ZDHHC14: variants seen among roughly 807,000 people sequenced by gnomAD.
ZDHHC14 encodes palmitoyltransferase ZDHHC14.
ZDHHC14 carries 16 observed loss-of-function variants against 47.7 expected under a neutral mutation model. That is an observed-to-expected ratio of 0.34 (90% confidence interval 0.23 to 0.51). ZDHHC14 has a LOEUF of 0.51. Among genes scored for constraint, ZDHHC14 ranks in the 20% least tolerant of loss-of-function variants. The pLI, the probability that ZDHHC14 is intolerant of heterozygous loss-of-function variation, is 0.97. For synonymous variants in ZDHHC14, 293 were observed against 278.9 expected (o/e 1.05, Z -0.50); for missense variants, 515 against 662.5 (o/e 0.78, Z 2.44).
At chr6:157,614,554 G>A (rs932502084) in intron 3 of ZDHHC14, among the ~76,000 whole-genome samples, 46 of 152,270 alleles carry the variant, frequency 3.0e-4, no homozygotes, top group African/African-American at 1.1e-3. Flanking sequence ...CTTCCTCACT[G>A]TGTGATGTTC....
At chr6:157,612,046 A>G (rs1583018593) in intron 3 of ZDHHC14, among the ~76,000 whole-genome samples, 1 of 151,004 alleles carries the variant, frequency 6.6e-6, no homozygotes, top group African/African-American at 2.4e-5. Context: ...GTGACCCCCC[A>G]CCTTGCTGAG....
chr6:157,558,198 A>G (rs983136764), intron 2 of ZDHHC14, among the ~76,000 whole-genome samples: 1 of 152,206 alleles, frequency 6.6e-6, no homozygotes, highest in Admixed American at 6.5e-5. Flanking sequence ...CCCCCTGCAG[A>G]CAGTGGCCAG....
At chr6:157,403,266 A>G (rs890501317) in intron 1 of ZDHHC14, among the ~76,000 whole-genome samples, 5 of 152,306 alleles carry the variant, frequency 3.3e-5, no homozygotes, top group Non-Finnish European at 7.4e-5. Context: ...AGCAAATACT[A>G]TTGTCATGCT....
chr6:157,663,315 C>G (rs1287365321), intron 8 of ZDHHC14, among the ~76,000 whole-genome samples: 1 of 152,230 alleles, frequency 6.6e-6, no homozygotes, highest in Non-Finnish European at 1.5e-5. Flanking sequence ...AGACTCTACT[C>G]AATCCAAGAG....
At chr6:157,420,829 C>A (rs1778085539) in intron 1 of ZDHHC14, among the ~76,000 whole-genome samples, 1 of 152,154 alleles carries the variant, frequency 6.6e-6, no homozygotes, top group South Asian at 2.1e-4. Flanking sequence ...CTGCAGTGGC[C>A]TTGTTGGTTG....
At chr6:157,562,773 T>G (rs1333458590) in intron 2 of ZDHHC14, among the ~76,000 whole-genome samples, 1 of 152,064 alleles carries the variant, frequency 6.6e-6, no homozygotes, top group Non-Finnish European at 1.5e-5. Flanking sequence ...AGGGAGCGTT[T>G]TATGTGTGTG....
chr6:157,616,982 G>T (rs751590727), intron 3 of ZDHHC14, among the ~76,000 whole-genome samples: 4 of 152,046 alleles, frequency 2.6e-5, no homozygotes, highest in Non-Finnish European at 4.4e-5. Flanking sequence ...ATGCCCTAGG[G>T]GTCTTCTGAC....
intron 1 of ZDHHC14, among the ~76,000 whole-genome samples, chr6:157,390,453 A>C (rs1304460884): frequency 2.0e-5 from 3 of 151,842 alleles, no homozygotes; most frequent in Admixed American, 6.6e-5. Flanking sequence ...CAGTTTTGGA[A>C]ATTTTTTCAT....
In ZDHHC14 at chr6:157,606,125, C is replaced by T. The variant is rs538531136; in HGVS notation, c.565+12979C>T. Reference sequence around the variant, plus strand: ...TTCAGGATAACACAGGTCTCTATGCCTCAGACCGGGCATTTTCCCCTTCAC... The same window carrying T: ...TTCAGGATAACACAGGTCTCTATGCTTCAGACCGGGCATTTTCCCCTTCAC... On this transcript the variant is annotated intron_variant, in intron 3 of 8. Transcript: ENST00000359775. 1.4e-3 allele frequency among the ~76,000 whole-genome samples: 212 copies of T among 152,268 alleles called. 1 individual carries two copies. The highest frequency in any genetic ancestry group is 1.9e-3 in the Non-Finnish European group (130 of 68,028).
At chr6:157,417,069 C>G (rs1371404351) in intron 1 of ZDHHC14, among the ~76,000 whole-genome samples, 1 of 136,238 alleles carries the variant, frequency 7.3e-6, no homozygotes, top group African/African-American at 2.8e-5. Context: ...ACCTCGTGAT[C>G]TTCCTACCTC....
intron 3 of ZDHHC14, among the ~76,000 whole-genome samples, chr6:157,594,831 G>A (rs1016394714): frequency 8.5e-5 from 13 of 152,152 alleles, no homozygotes; most frequent in Admixed American, 7.9e-4. Flanking sequence ...GACAATTTAA[G>A]CTGAAGGAGC....
intron 1 of ZDHHC14, among the ~76,000 whole-genome samples, chr6:157,522,848 C>T (rs755154895): frequency 0.075 from 2,511 of 33,296 alleles, 133 homozygotes; most frequent in African/African-American, 0.13. Context: ...TTCCTTCCTT[C>T]CTTTCCTCCC....
At chr6:157,645,134 C>T (rs1263179169) in intron 5 of ZDHHC14, among the ~76,000 whole-genome samples, 1 of 152,058 alleles carries the variant, frequency 6.6e-6, no homozygotes, top group Non-Finnish European at 1.5e-5. Flanking sequence ...GACGTCACTC[C>T]GAGAAATCCC....
rs184629153 is a variant in ZDHHC14 at position 157,426,209 on chromosome 6, G to A, written c.245+43943G>A. ...GCAGGAGGGATCTGGCACAAGGAACGTTATGGAGATGAGAGCTGCACAGCT... is the reference window on the plus strand; with the variant it reads ...GCAGGAGGGATCTGGCACAAGGAACATTATGGAGATGAGAGCTGCACAGCT... On this transcript the variant is annotated intron_variant, in intron 1 of 8. Coordinates refer to ENST00000359775, the MANE Select transcript of ZDHHC14 (RefSeq NM_024630.3). Among the ~76,000 whole-genome samples the A allele has an allele frequency of 1.3e-3, 203 of 152,280 alleles. 1 individual carries two copies. The highest frequency in any genetic ancestry group is 4.5e-3 in the African/African-American group (189 of 41,554).
intron 1 of ZDHHC14, among the ~76,000 whole-genome samples, chr6:157,400,356 A>T (rs757726939): frequency 5.3e-5 from 8 of 152,160 alleles, no homozygotes; most frequent in Non-Finnish European, 8.8e-5. Context: ...GGGGTTGATG[A>T]CTGGATAGCC....
At chr6:157,485,998 G>T (rs1779770985) in intron 1 of ZDHHC14, among the ~76,000 whole-genome samples, 1 of 152,244 alleles carries the variant, frequency 6.6e-6, no homozygotes, top group African/African-American at 2.4e-5. Flanking sequence ...GGGTGACAGA[G>T]TGAAACTCGG....
At chr6:157,553,902 C>T (rs1357151707) in intron 2 of ZDHHC14, among the ~76,000 whole-genome samples, 6 of 152,178 alleles carry the variant, frequency 3.9e-5, no homozygotes, top group Non-Finnish European at 5.9e-5. Flanking sequence ...GGAGGTGCCA[C>T]CGGGATGAGT....
rs140788360 is a variant in ZDHHC14, at chr6:157,667,644, A to G, written c.1069-5080A>G. ...AAAAAAAAAAAAGGGAAGTGTAAGA[A>G]TATTTGTCATGGCCATCTCCACAGT... On this transcript the variant is annotated intron_variant, in intron 8 of 8. Coordinates refer to ENST00000359775, the MANE Select transcript of ZDHHC14 (RefSeq NM_024630.3). 6.7e-3 allele frequency among the ~76,000 whole-genome samples: 1,023 copies of G among 152,146 alleles called. 14 individuals carry two copies. Among genetic ancestry groups the G allele is most frequent in the African/African-American group, 0.023 (975 of 41,494 alleles).
At chr6:157,483,242 C>T (rs184314281) in intron 1 of ZDHHC14, among the ~76,000 whole-genome samples, 1 of 152,308 alleles carries the variant, frequency 6.6e-6, no homozygotes, top group Admixed American at 6.5e-5. Context: ...GCTATCTCAG[C>T]CCTTCTTTAA....
Sources: allele counts gnomAD v4.1 joint callset (sites outside exome capture counted in the v4.1 genomes callset), GRCh38; gene constraint gnomAD v4.1.1; transcripts MANE v1.5; gene names NCBI Gene and HGNC (gene_info 2026-07-23, HGNC 2026-07-21).